Variants in CCDC50 observed in about 807,000 individuals in gnomAD.
The protein encoded by CCDC50 is coiled-coil domain containing 50.
A neutral mutation model predicts 70.2 loss-of-function variants in CCDC50; 54 were observed. That is an observed-to-expected ratio of 0.77 (90% CI 0.62 to 0.96). The LOEUF is 0.96. Among genes scored for constraint, CCDC50 ranks in the 50% least tolerant of loss-of-function variants. The pLI, the probability that CCDC50 is intolerant of heterozygous loss-of-function variation, is 0.00. For missense variants in CCDC50, 558 were observed against 578.7 expected, an observed-to-expected ratio of 0.96 and a Z score of 0.37; for synonymous variants, 216 against 198.8, an observed-to-expected ratio of 1.09 and a Z score of -0.73.
chr3:191,329,707 G>A lies in CCDC50; in HGVS notation c.33G>A (p.Leu11=), dbSNP rs376222034. MAEVSIDQSK[L]PGVKEVCRDF... ...AAGTCAGCATCGACCAGTCCAAGCT[G>A]CCTGGAGTCAAGGAAGGTAAGGGCC... Residue 11 remains leucine, a synonymous_variant, in exon 1 of 12, where the codon CTG becomes CTA. Coordinates refer to ENST00000392455, the MANE Select transcript of CCDC50 (RefSeq NM_178335.3). 2.5e-6 allele frequency: 4 copies of A among 1,610,392 alleles called. No homozygotes were observed. In the African/African-American group the frequency reaches 5.3e-5, roughly 22 times the overall value.
chr3:191,338,328 A>C (rs563980905), intron 1 of CCDC50, among the ~76,000 whole-genome samples: 2 of 152,274 alleles, frequency 1.3e-5, no homozygotes, highest in South Asian at 4.1e-4. Flanking sequence ...CGAATACAAG[A>C]GTTGACAAAT....
rs760042437 is a variant in CCDC50, at chr3:191,369,899, T to G, written c.331-20T>G. 41 of 1,555,906 alleles carry G rather than the reference T, an allele frequency of 2.6e-5. No homozygotes were observed. The highest frequency in any genetic ancestry group is 3.6e-5 in the Non-Finnish European group (41 of 1,127,776). On this transcript the variant is annotated intron_variant, in intron 4 of 11. Transcript: ENST00000392455. Reference sequence around the variant, plus strand: ...TGTTCTTTGGTAATGTGTATTTCCATTCTCCTCTTGTCTTTGCAGGACATA... The same window carrying G: ...TGTTCTTTGGTAATGTGTATTTCCAGTCTCCTCTTGTCTTTGCAGGACATA...
Position 191,392,448 on chromosome 3 carries a change from A to G in CCDC50, c.*688A>G, listed in dbSNP as rs1713726607. The G allele has an allele frequency of 6.6e-6, 1 of 152,210 alleles. No homozygotes were observed. The highest frequency in any genetic ancestry group is 2.4e-5 in the African/African-American group (1 of 41,454). 9.4% of individuals were successfully genotyped at this position (152,210 alleles called of 1,614,324 possible). ...CATTTATTAGTATTTATTGACAAAAATTTAGTTCTCTGAAATTTTAACTCA... is the reference window on the plus strand; with the variant it reads ...CATTTATTAGTATTTATTGACAAAAGTTTAGTTCTCTGAAATTTTAACTCA... On this transcript the variant is annotated 3_prime_UTR_variant, in exon 12 of 12. Transcript: ENST00000392455.
chr3:191,362,378 G>T (rs1712524400), intron 4 of CCDC50, among the ~76,000 whole-genome samples: 2 of 152,154 alleles, frequency 1.3e-5, no homozygotes. Context: ...TCCTGCCTCA[G>T]CCTCCCAAAG....
At position 191,395,625 on chromosome 3, in the gene CCDC50, C is replaced by T. The variant is rs944597907; in HGVS notation, c.*3865C>T. ...AGGACTGATAATAGAATAGAACTTG[C>T]AGCCAAAGGCTTTTTCCCTTTTGAG... On this transcript the variant is annotated 3_prime_UTR_variant, in exon 12 of 12. Transcript: ENST00000392455. 4.6e-5 allele frequency: 7 copies of T among 152,144 alleles called. No individual in the cohort carries two copies. The highest frequency in any genetic ancestry group is 1.0e-4 in the Non-Finnish European group (7 of 68,004). 9.4% of individuals were successfully genotyped at this position (152,144 alleles called of 1,614,324 possible). A position where few individuals can be genotyped will look rare whatever the true frequency, so the allele number is the denominator to read the frequency against.
In CCDC50 at chr3:191,392,781, AGGCTGGAGTGCAGTGGTGCAATCTT is replaced by A. The variant is rs777948090; in HGVS notation, c.*1026_*1050del. On this transcript the variant is annotated 3_prime_UTR_variant, in exon 12 of 12. Coordinates refer to ENST00000392455, the MANE Select transcript of CCDC50 (RefSeq NM_178335.3). Reference sequence around the variant, plus strand: ...GAGTTGGAGTCTCGCCCTGTCACACAGGCTGGAGTGCAGTGGTGCAATCTTGGCTCACTGCAACCTCCGCCACCTG... The same window carrying A: ...GAGTTGGAGTCTCGCCCTGTCACACAGGCTCACTGCAACCTCCGCCACCTG... The A allele has an allele frequency of 1.3e-5, 2 of 152,274 alleles. No individual in the cohort carries two copies. Among genetic ancestry groups the A allele is most frequent in the Non-Finnish European group, 2.9e-5 (2 of 68,112 alleles). The allele number at this position is 152,274 out of a possible 1,614,324, so 9.4% of individuals were successfully genotyped here. A position where few individuals can be genotyped will look rare whatever the true frequency, so the allele number is the denominator to read the frequency against.
intron 4 of CCDC50, among the ~76,000 whole-genome samples, chr3:191,367,419 C>T (rs1560165299): frequency 6.6e-6 from 1 of 152,012 alleles, no homozygotes; most frequent in African/African-American, 2.4e-5. Context: ...TAAAATGAAT[C>T]TCTCTTTTCT....
At chr3:191,381,146 A>C (rs919582553) in intron 9 of CCDC50, among the ~76,000 whole-genome samples, 1 of 151,838 alleles carries the variant, frequency 6.6e-6, no homozygotes, top group Non-Finnish European at 1.5e-5. Context: ...AAGATTGAAA[A>C]CTCATTCTGT....
chr3:191,340,838 A>G (rs531937251), intron 1 of CCDC50, among the ~76,000 whole-genome samples: 3 of 152,076 alleles, frequency 2.0e-5, no homozygotes, highest in East Asian at 1.9e-4. Context: ...TTCAGATTCT[A>G]TTTCTTTTTC....
chr3:191,337,465 C>G (rs1443641924), intron 1 of CCDC50, among the ~76,000 whole-genome samples: 1 of 151,880 alleles, frequency 6.6e-6, no homozygotes, highest in Non-Finnish European at 1.5e-5. Context: ...CTGCCTCAGC[C>G]TCCCGAGTAG....
Position 191,375,052 on chromosome 3 carries a change from C to T in CCDC50, c.449-10C>T. 6.2e-7 allele frequency: 1 copy of T among 1,613,026 alleles called. No individual in the cohort carries two copies. The highest frequency in any genetic ancestry group is 8.5e-7 in the Non-Finnish European group (1 of 1,179,480). ...ATTTTTATTTTTCACATCCCTCTGC[C>T]TCCACTCAGACCAACCAGGGTCAAG... On this transcript the variant is annotated splice_polypyrimidine_tract_variant and intron_variant, in intron 5 of 11. Transcript: ENST00000392455.
At chr3:191,369,222 T>A (rs926486535) in intron 4 of CCDC50, among the ~76,000 whole-genome samples, 3 of 152,204 alleles carry the variant, frequency 2.0e-5, no homozygotes, top group Non-Finnish European at 2.9e-5. Context: ...AAAAATAGTA[T>A]TCCCTCTTTT....
intron 1 of CCDC50, among the ~76,000 whole-genome samples, chr3:191,334,997 C>T (rs1718095248): frequency 6.6e-6 from 1 of 152,098 alleles, no homozygotes; most frequent in African/African-American, 2.4e-5. Flanking sequence ...TGCATGTCTT[C>T]TCTGGTATAT....
chr3:191,331,336 C>G (rs1717977002), intron 1 of CCDC50, among the ~76,000 whole-genome samples: 1 of 151,972 alleles, frequency 6.6e-6, no homozygotes, highest in Admixed American at 6.6e-5. Flanking sequence ...TTTATATTAC[C>G]CTTAGGTCTT....
At position 191,329,413 on chromosome 3, in the gene CCDC50, T is replaced by TCCGGGC. The variant is rs1717860305; in HGVS notation, c.-262_-261insCCGGGC. The TCCGGGC allele has an allele frequency of 2.4e-6, 1 of 415,062 alleles. No homozygotes were observed. Among genetic ancestry groups the TCCGGGC allele is most frequent in the Non-Finnish European group, 4.2e-6 (1 of 236,478 alleles). 25.7% of individuals were successfully genotyped at this position (415,062 alleles called of 1,614,324 possible). A position where few individuals can be genotyped will look rare whatever the true frequency, so the allele number is the denominator to read the frequency against. ...CGGTCCATTTCCGGGCTCCGGATAT[T>TCCGGGC]TGGTATCGATTGGGGCCGGGGACGC... On this transcript the variant is annotated 5_prime_UTR_variant, in exon 1 of 12. Transcript: ENST00000392455.
chr3:191,372,335 G>T (rs751835306), intron 5 of CCDC50, among the ~76,000 whole-genome samples: 22 of 152,290 alleles, frequency 1.4e-4, no homozygotes, highest in Non-Finnish European at 2.5e-4. Context: ...TGTAAATACT[G>T]AAATTTCTCT....
At chr3:191,332,715 C>A (rs919844963) in intron 1 of CCDC50, among the ~76,000 whole-genome samples, 10 of 152,216 alleles carry the variant, frequency 6.6e-5, no homozygotes, top group Admixed American at 6.5e-5. Flanking sequence ...GACAAACTTA[C>A]ATTTTTCAGG....
At chr3:191,390,962 G>T (rs1713674787) in intron 11 of CCDC50, among the ~76,000 whole-genome samples, 1 of 152,132 alleles carries the variant, frequency 6.6e-6, no homozygotes, top group African/African-American at 2.4e-5. Flanking sequence ...TTTTATGAGA[G>T]CTGTAAAATG....
chr3:191,392,491 G>A lies in CCDC50; in HGVS notation c.*731G>A, dbSNP rs1188340231. 6.6e-6 allele frequency: 1 copy of A among 152,140 alleles called. No individual in the cohort carries two copies. Among genetic ancestry groups the A allele is most frequent in the African/African-American group, 2.4e-5 (1 of 41,432 alleles). 9.4% of individuals were successfully genotyped at this position (152,140 alleles called of 1,614,324 possible). A position where few individuals can be genotyped will look rare whatever the true frequency, so the allele number is the denominator to read the frequency against. ...TTAACTCATATATATGAAAAACTTT[G>A]TATTCCATCTCTTCTTTTTCATTTA... On this transcript the variant is annotated 3_prime_UTR_variant, in exon 12 of 12. Coordinates refer to ENST00000392455, the MANE Select transcript of CCDC50 (RefSeq NM_178335.3).
Sources: gnomAD v4.1 joint callset for allele counts (sites outside exome capture counted in the v4.1 genomes callset) on GRCh38, gnomAD v4.1.1 for gene constraint, MANE v1.5 for transcripts, NCBI Gene and HGNC (gene_info 2026-07-23, HGNC 2026-07-21) for gene names.